Variants in CHST9 observed in about 807,000 individuals in gnomAD.
CHST9 encodes the protein carbohydrate sulfotransferase 9, also known as GalNAc-4-sulfotransferase 2.
A neutral mutation model predicts 44.4 loss-of-function variants in CHST9; 41 were observed. The ratio of observed to expected loss-of-function variants is 0.92; its 90% confidence interval spans 0.72 to 1.20. The LOEUF (loss-of-function observed/expected upper bound fraction) is 1.20, where lower values mean the gene tolerates loss of function less well. Ranked by LOEUF, CHST9 falls within the 50% of genes most tolerant of loss-of-function variation. CHST9 has a pLI of 0.00. For missense variants in CHST9, 504 were observed against 516.5 expected, an observed-to-expected ratio of 0.98 and a Z score of 0.23; for synonymous variants, 171 against 178.4, an observed-to-expected ratio of 0.96 and a Z score of 0.33.
chr18:27,175,528 G>A (rs2058861463), intron 1 of CHST9, among the ~76,000 whole-genome samples: 1 of 151,964 alleles, frequency 6.6e-6, no homozygotes, highest in Admixed American at 6.6e-5. Flanking sequence ...ATTATGGAGA[G>A]GAAAGAGAAA....
chr18:26,993,183 C>T (rs983591047), intron 4 of CHST9, among the ~76,000 whole-genome samples: 4 of 152,228 alleles, frequency 2.6e-5, no homozygotes, highest in African/African-American at 9.6e-5. Context: ...AGACTATCCA[C>T]ACAGAGCTCT....
chr18:27,031,914 A>C (rs984999061), intron 3 of CHST9, among the ~76,000 whole-genome samples: 2 of 152,254 alleles, frequency 1.3e-5, no homozygotes, highest in African/African-American at 2.4e-5. Flanking sequence ...GCAGCATGCC[A>C]GGCCAAGCCC....
At chr18:27,146,842 A>G (rs200605386) in intron 1 of CHST9, among the ~76,000 whole-genome samples, 1 of 152,160 alleles carries the variant, frequency 6.6e-6, no homozygotes. Context: ...TGTTAAAAAT[A>G]TTTTCATTTG....
At chr18:27,131,593 G>C (rs1441177010) in intron 2 of CHST9, among the ~76,000 whole-genome samples, 1 of 152,044 alleles carries the variant, frequency 6.6e-6, no homozygotes, top group African/African-American at 2.4e-5. Context: ...TGAGTTCCTG[G>C]CTATGATGAG....
At chr18:27,032,297 C>A (rs79417481) in intron 3 of CHST9, among the ~76,000 whole-genome samples, 2,161 of 152,190 alleles carry the variant, frequency 0.014, 115 homozygotes, top group Admixed American at 0.088. Flanking sequence ...CAAGAGCAAA[C>A]CCCTGACAGT....
At chr18:27,140,949 A>G (rs1308847909) in intron 2 of CHST9, among the ~76,000 whole-genome samples, 1 of 151,182 alleles carries the variant, frequency 6.6e-6, no homozygotes, top group African/African-American at 2.4e-5. Flanking sequence ...TCACAAAGTT[A>G]CTATATAAAT....
At chr18:26,949,009 G>A (rs1311493874) in intron 4 of CHST9, among the ~76,000 whole-genome samples, 1 of 152,150 alleles carries the variant, frequency 6.6e-6, no homozygotes, top group Non-Finnish European at 1.5e-5. Flanking sequence ...TGATATTGGA[G>A]GCTTTGCAGG....
chr18:26,965,520 G>A (rs1283723313), intron 4 of CHST9, among the ~76,000 whole-genome samples: 2 of 152,220 alleles, frequency 1.3e-5, no homozygotes, highest in Non-Finnish European at 1.5e-5. Context: ...GGAATTCACA[G>A]ACCTAAGTTC....
At chr18:26,934,876 T>C (rs926642424) in intron 5 of CHST9, 8 of 152,216 alleles carry the variant, frequency 5.3e-5, no homozygotes, top group African/African-American at 1.2e-4. Flanking sequence ...ATATGATCCA[T>C]ACTGTATCAT....
chr18:27,045,389 T>C (rs768791146), intron 3 of CHST9, among the ~76,000 whole-genome samples: 4 of 152,062 alleles, frequency 2.6e-5, no homozygotes, highest in Non-Finnish European at 4.4e-5. Flanking sequence ...TGCTTTCTAA[T>C]ATCGAGAATT....
intron 3 of CHST9, among the ~76,000 whole-genome samples, chr18:27,032,655 G>A (rs2057353223): frequency 6.6e-6 from 1 of 152,222 alleles, no homozygotes; most frequent in Non-Finnish European, 1.5e-5. Flanking sequence ...GATATTAGGT[G>A]ATTACCAAAA....
intron 2 of CHST9, among the ~76,000 whole-genome samples, chr18:27,052,314 A>G (rs12455108): frequency 0.063 from 9,047 of 144,384 alleles, 406 homozygotes; most frequent in African/African-American, 0.13. Flanking sequence ...ATATGTGTGT[A>G]TATATATGTA....
chr18:26,914,972 C>T lies in CHST9; in HGVS notation c.*1287G>A, dbSNP rs182392694. On this transcript the variant is annotated 3_prime_UTR_variant, in exon 6 of 6. Coordinates refer to ENST00000618847, the MANE Select transcript of CHST9 (RefSeq NM_031422.6). The stretch of plus-strand genomic sequence containing the variant: ...CCAAATGTTTCCCATCCAAAATGAT[C>T]CCTTTTTTTTTCCCCAAGGGATCTA... The T allele has an allele frequency of 2.6e-6, 1 of 382,824 alleles. No homozygotes were observed. Among genetic ancestry groups the T allele is most frequent in the East Asian group, 3.6e-5 (1 of 27,568 alleles). 23.7% of individuals were successfully genotyped at this position (382,824 alleles called of 1,614,324 possible). A position where few individuals can be genotyped will look rare whatever the true frequency, so the allele number is the denominator to read the frequency against.
intron 4 of CHST9, among the ~76,000 whole-genome samples, chr18:26,987,359 C>G (rs547728503): frequency 8.5e-5 from 13 of 152,258 alleles, no homozygotes; most frequent in Non-Finnish European, 1.9e-4. Context: ...CTTTAACTCC[C>G]TAGCCTGTGG....
At chr18:27,078,878 T>G (rs1225617628) in intron 2 of CHST9, among the ~76,000 whole-genome samples, 2 of 152,184 alleles carry the variant, frequency 1.3e-5, no homozygotes, top group African/African-American at 2.4e-5. Context: ...GGGTTACATA[T>G]AAGGTTTTGT....
intron 1 of CHST9, among the ~76,000 whole-genome samples, chr18:27,179,805 T>C (rs1195878883): frequency 6.6e-6 from 1 of 152,138 alleles, no homozygotes; most frequent in East Asian, 1.9e-4. Flanking sequence ...CTAGAACTGA[T>C]AGACTATAAT....
At chr18:26,972,756 G>T (rs1363547920) in intron 4 of CHST9, among the ~76,000 whole-genome samples, 2 of 152,242 alleles carry the variant, frequency 1.3e-5, no homozygotes, top group African/African-American at 4.8e-5. Flanking sequence ...CAGTGATCCA[G>T]ATGAGAGCTG....
chr18:27,161,745 G>A (rs2058748877), intron 1 of CHST9, among the ~76,000 whole-genome samples: 1 of 152,098 alleles, frequency 6.6e-6, no homozygotes, highest in Admixed American at 6.5e-5. Context: ...GGGAGTCCAA[G>A]TCTCTTTCTA....
chr18:27,007,068 C>T (rs2057025590), intron 4 of CHST9, among the ~76,000 whole-genome samples: 1 of 152,174 alleles, frequency 6.6e-6, no homozygotes, highest in Admixed American at 6.5e-5. Flanking sequence ...CAGGCGCAAT[C>T]CCCACTCTGG....
Sources: allele counts gnomAD v4.1 joint callset (sites outside exome capture counted in the v4.1 genomes callset), GRCh38; gene constraint gnomAD v4.1.1; transcripts MANE v1.5; gene names NCBI Gene and HGNC (gene_info 2026-07-23, HGNC 2026-07-21).